Variants in FRAS1 observed in about 807,000 individuals in gnomAD.
The protein encoded by FRAS1 is Fraser extracellular matrix complex subunit 1.
A neutral mutation model predicts 435.2 loss-of-function variants in FRAS1; 290 were observed. The ratio of observed to expected loss-of-function variants is 0.67; its 90% CI spans 0.61 to 0.73. The LOEUF (loss-of-function observed/expected upper bound fraction) is 0.73. FRAS1 is among the 30% of genes least tolerant of loss of function. FRAS1 has a pLI of 0.00. For synonymous variants in FRAS1, 1,800 were observed against 1,851.0 expected, an observed-to-expected ratio of 0.97 and a Z score of 0.71; for missense variants, 4,860 against 5,001.5, an observed-to-expected ratio of 0.97 and a Z score of 0.85.
intron 57 of FRAS1, among the ~76,000 whole-genome samples, 182 bp downstream of exon 57, chr4:78,482,146 G>C (rs977367661): frequency 1.3e-5 from 2 of 152,268 alleles, no homozygotes; most frequent in East Asian, 3.9e-4. Flanking sequence ...AACTCTCCTA[G>C]TGACATTTTT....
chr4:78,459,492 A>C (rs1719305351), intron 47 of FRAS1, among the ~76,000 whole-genome samples: 1 of 152,244 alleles, frequency 6.6e-6, no homozygotes, highest in African/African-American at 2.4e-5. Flanking sequence ...GGTGGGAGTT[A>C]GTTGGGAAAC....
rs142129480 is a variant in FRAS1 at position 78,414,100 on chromosome 4, G to A, written c.4425+1015G>A. On this transcript the variant is annotated intron_variant, in intron 32 of 73. Transcript: ENST00000512123. ...CTGGGTTATGACAGAGACATAAAGGGGAAAATAGAAAGTTTTTAATGAATA... is the reference window on the plus strand; with the variant it reads ...CTGGGTTATGACAGAGACATAAAGGAGAAAATAGAAAGTTTTTAATGAATA... Among the ~76,000 whole-genome samples, 7 of 152,234 alleles carry A rather than the reference G, an allele frequency of 4.6e-5. No homozygotes were observed. The East Asian group carries it at 1.4e-3, about 29-fold the overall frequency.
chr4:78,427,844 T>C (rs1431502718), intron 35 of FRAS1, among the ~76,000 whole-genome samples: 1 of 152,250 alleles, frequency 6.6e-6, no homozygotes, highest in African/African-American at 2.4e-5. Context: ...ATAGAATCAT[T>C]ACTACACGTC....
chr4:78,508,667 G>A lies in FRAS1; in HGVS notation c.9505-64G>A, dbSNP rs1720926406. The A allele has an allele frequency of 3.2e-6, 5 of 1,548,088 alleles. No individual in the cohort carries two copies. In the South Asian group the frequency reaches 5.9e-5, roughly 18 times the overall value. ...AGATCTTGTGGATCTCTAAAGAAAG[G>A]GGGCTTAGTTCTCTGACCTTGCCAA... On this transcript the variant is annotated intron_variant, in intron 62 of 73. Transcript: ENST00000512123.
chr4:78,413,939 G>A (rs539582623), intron 32 of FRAS1, among the ~76,000 whole-genome samples: 2 of 152,260 alleles, frequency 1.3e-5, no homozygotes, highest in South Asian at 4.2e-4. Context: ...AGACAGAGCC[G>A]CAAGCATATA....
intron 41 of FRAS1, 91 bp downstream of exon 41, chr4:78,441,388 A>G (rs1734653411): frequency 8.2e-7 from 1 of 1,219,438 alleles, no homozygotes; most frequent in Admixed American, 2.2e-5. Context: ...GGAGATGGAG[A>G]ACTACAGAGG....
intron 2 of FRAS1, among the ~76,000 whole-genome samples, chr4:78,105,623 TG>T (rs1284394912): frequency 6.6e-6 from 1 of 152,168 alleles, no homozygotes; most frequent in African/African-American, 2.4e-5. Flanking sequence ...CCATCGTTTT[TG>T]AACATATTAG....
intron 59 of FRAS1, among the ~76,000 whole-genome samples, chr4:78,494,009 G>GT (rs907835162): frequency 1.5e-4 from 23 of 150,430 alleles, no homozygotes; most frequent in South Asian, 4.2e-4. Context: ...TCTTATGTTT[G>GT]TTTTTTTTTA....
rs1397087712 is a variant in FRAS1 at position 78,475,541 on chromosome 4, G to GCCAGCT, written c.7797_7802dup (p.Ser2599_Ser2600dup). ...CCTGTGTCGCACCGAGCAAGGCACC[G>GCCAGCT]CCAGCTCCAGCTCCAGGGTCAGCTC... On this transcript the variant is annotated inframe_insertion, in exon 54 of 74. Transcript: ENST00000512123. 6.2e-7 allele frequency: 1 copy of GCCAGCT among 1,613,496 alleles called. No individual in the cohort carries two copies. The highest frequency in any genetic ancestry group is 1.3e-5 in the African/African-American group (1 of 74,900).
chr4:78,530,534 A>G (rs1344622603), intron 70 of FRAS1, among the ~76,000 whole-genome samples: 1 of 152,162 alleles, frequency 6.6e-6, no homozygotes. Context: ...AGCAATGGGG[A>G]AAGGATTCTT....
chr4:78,500,163 A>AT, intron 61 of FRAS1, among the ~76,000 whole-genome samples: 1 of 152,314 alleles, frequency 6.6e-6, no homozygotes, highest in Middle Eastern at 3.4e-3. Context: ...ATTTAAAAGA[A>AT]TTTTTTGTTA....
At chr4:78,300,942 C>A (rs1728363323) in intron 14 of FRAS1, among the ~76,000 whole-genome samples, 1 of 152,182 alleles carries the variant, frequency 6.6e-6, no homozygotes, top group African/African-American at 2.4e-5. Context: ...CACTGTTACT[C>A]TTTATTGCAG....
Position 78,307,997 on chromosome 4 carries a change from T to C in FRAS1, c.1535-69T>C. 4 of 1,470,210 alleles carry C rather than the reference T, an allele frequency of 2.7e-6. 1 individual carries two copies. Among genetic ancestry groups the C allele is most frequent in the East Asian group, 4.7e-5 (2 of 42,646 alleles). The allele number at this position is 1,470,210 out of a possible 1,614,324, so 91.1% of individuals were successfully genotyped here. ...CATCCTCCTTGTGTATTCTAAAATA[T>C]TTAAAAGAAAAATGATGACCAGTCC... On this transcript the variant is annotated intron_variant, in intron 14 of 73. Coordinates refer to ENST00000512123, the MANE Select transcript of FRAS1 (RefSeq NM_025074.7).
intron 58 of FRAS1, among the ~76,000 whole-genome samples, chr4:78,485,990 C>T (rs1299861099): frequency 6.6e-6 from 1 of 152,164 alleles, no homozygotes; most frequent in Non-Finnish European, 1.5e-5. Flanking sequence ...CATCTTATAA[C>T]ATTTACCTGT....
In FRAS1 at chr4:78,286,618, C is replaced by T; in HGVS notation, c.1534+79C>T. ...CTGACCCCACCAAGTGATCTGGGGA[C>T]ACCAGGAGCTGGAAGCACTTTTTCA... On this transcript the variant is annotated intron_variant, in intron 14 of 73. Coordinates refer to ENST00000512123, the MANE Select transcript of FRAS1 (RefSeq NM_025074.7). The T allele has an allele frequency of 4.7e-6, 7 of 1,477,978 alleles. No individual in the cohort carries two copies. In the South Asian group the frequency reaches 6.2e-5, roughly 13 times the overall value. 91.6% of individuals were successfully genotyped at this position (1,477,978 alleles called of 1,614,324 possible). A position where few individuals can be genotyped will look rare whatever the true frequency, so the allele number is the denominator to read the frequency against.
intron 9 of FRAS1, among the ~76,000 whole-genome samples, chr4:78,270,257 AC>A (rs1357566560): frequency 6.6e-6 from 1 of 152,158 alleles, no homozygotes; most frequent in Non-Finnish European, 1.5e-5. Context: ...GCTTGCTGTT[AC>A]TTACAATGAT....
At chr4:78,281,374 A>G (rs776702664) in intron 10 of FRAS1, 24 bp from the exon 11 acceptor site, 56 of 1,530,182 alleles carry the variant, frequency 3.7e-5, no homozygotes, top group Non-Finnish European at 4.8e-5. Flanking sequence ...GTGGCATAAT[A>G]AAGACATTTC....
chr4:78,318,853 T>A lies in FRAS1; in HGVS notation c.2004T>A (p.Ser668=). Residue 668 remains serine, a synonymous_variant, in exon 18 of 74, where the codon TCT becomes TCA. Coordinates refer to ENST00000512123, the MANE Select transcript of FRAS1 (RefSeq NM_025074.7). ...TGGCTTGTATGGGTCCCGCACCCTC[T>A]CACTGTACTGGGTGTAAGAAGCCAG... ...SCLACMGPAP[S]HCTGCKKPEE... The A allele has an allele frequency of 1.2e-6, 2 of 1,613,542 alleles. No individual in the cohort carries two copies. Among genetic ancestry groups the A allele is most frequent in the Non-Finnish European group, 1.7e-6 (2 of 1,179,666 alleles).
chr4:78,358,148 T>G (rs1461892160), intron 20 of FRAS1, among the ~76,000 whole-genome samples: 2 of 145,638 alleles, frequency 1.4e-5, no homozygotes, highest in Non-Finnish European at 3.0e-5. Context: ...TCCCCCACCA[T>G]GCTGAAAATT....
Sources: allele counts gnomAD v4.1 joint callset (sites outside exome capture counted in the v4.1 genomes callset), GRCh38; gene constraint gnomAD v4.1.1; transcripts MANE v1.5; gene names NCBI Gene and HGNC (gene_info 2026-07-23, HGNC 2026-07-21).